Variants in ST6GAL2 observed in about 807,000 individuals in gnomAD.
ST6GAL2 encodes ST6 beta-galactoside alpha-2,6-sialyltransferase 2.
In ST6GAL2, 24 loss-of-function variants were observed where a neutral mutation model predicts 37.5. That is an observed-to-expected ratio of 0.64 (90% CI 0.46 to 0.90). The LOEUF (loss-of-function observed/expected upper bound fraction) is 0.90, where lower values mean the gene tolerates loss of function less well. Among genes scored for constraint, ST6GAL2 ranks in the 40% least tolerant of loss-of-function variants. ST6GAL2 has a pLI of 0.00. For missense variants in ST6GAL2, 715 were observed against 712.7 expected (o/e 1.00, Z -0.04); for synonymous variants, 306 against 295.1 (o/e 1.04, Z -0.38).
chr2:106,869,930 C>A (rs1380416244), intron 1 of ST6GAL2, among the ~76,000 whole-genome samples: 2 of 152,328 alleles, frequency 1.3e-5, no homozygotes, highest in East Asian at 3.9e-4. Flanking sequence ...GACAGCCAAT[C>A]CTAAATTGTG....
At chr2:106,821,216 G>T (rs534065985) in intron 5 of ST6GAL2, among the ~76,000 whole-genome samples, 2 of 151,252 alleles carry the variant, frequency 1.3e-5, no homozygotes, top group South Asian at 4.2e-4. Flanking sequence ...TTTTTGAAAA[G>T]ATAAACAAAA....
rs1284761414 is a variant in ST6GAL2 at position 106,806,510 on chromosome 2, G to A, written c.*168C>T. 1.3e-6 allele frequency: 1 copy of A among 764,202 alleles called. No homozygotes were observed. Among genetic ancestry groups the A allele is most frequent in the Non-Finnish European group, 2.1e-6 (1 of 484,260 alleles). 47.3% of individuals were successfully genotyped at this position (764,202 alleles called of 1,614,324 possible). A position where few individuals can be genotyped will look rare whatever the true frequency, so the allele number is the denominator to read the frequency against. The stretch of plus-strand genomic sequence containing the variant: ...AAAAACCATTTCTATGTTCAAAGCA[G>A]TAATACATACTCAATGGCTTAGAAA... On this transcript the variant is annotated 3_prime_UTR_variant, in exon 6 of 6. Coordinates refer to ENST00000409382, the MANE Select transcript of ST6GAL2 (RefSeq NM_001142351.2).
chr2:106,845,902 C>A (rs1677124379), intron 1 of ST6GAL2, among the ~76,000 whole-genome samples: 2 of 152,168 alleles, frequency 1.3e-5, no homozygotes, highest in Non-Finnish European at 2.9e-5. Flanking sequence ...TTCTGCCTCT[C>A]AGGACATTCA....
chr2:106,840,504 G>T (rs1366586986), intron 2 of ST6GAL2, among the ~76,000 whole-genome samples: 1 of 152,152 alleles, frequency 6.6e-6, no homozygotes, highest in Non-Finnish European at 1.5e-5. Context: ...TCTTAAAATA[G>T]TAGATACAAA....
At chr2:106,839,254 C>T (rs1307594884) in intron 2 of ST6GAL2, among the ~76,000 whole-genome samples, 1 of 152,056 alleles carries the variant, frequency 6.6e-6, no homozygotes, top group Non-Finnish European at 1.5e-5. Context: ...ACCTGCACAA[C>T]ATGCTGTTTC....
At chr2:106,807,055 C>T in intron 5 of ST6GAL2, 106 bp from the exon 6 acceptor site, 1 of 940,454 alleles carries the variant, frequency 1.1e-6, no homozygotes, top group Non-Finnish European at 1.6e-6. Flanking sequence ...TGGCAAGAGA[C>T]ACTTACTTTT....
At chr2:106,875,473 C>T (rs1678465511) in intron 1 of ST6GAL2, among the ~76,000 whole-genome samples, 1 of 152,216 alleles carries the variant, frequency 6.6e-6, no homozygotes, top group Non-Finnish European at 1.5e-5. Context: ...CCACTGCACC[C>T]AGCCCATTCC....
At chr2:106,806,994 T>TGAGAGGGATGAGTTTTTTGG (rs1372917266) in intron 5 of ST6GAL2, 45 bp from the exon 6 acceptor site, 1 of 1,527,760 alleles carries the variant, frequency 6.5e-7, no homozygotes, top group East Asian at 2.3e-5. Context: ...CAACTCCATG[T>TGAGAGGGATGAGTTTTTTGG]GAGAGGGATG....
intron 5 of ST6GAL2, among the ~76,000 whole-genome samples, chr2:106,827,498 C>T (rs749865717): frequency 3.3e-5 from 5 of 152,210 alleles, no homozygotes; most frequent in South Asian, 2.1e-4. Flanking sequence ...AATTTAACAA[C>T]GCCAGACCAC....
intron 1 of ST6GAL2, among the ~76,000 whole-genome samples, chr2:106,868,349 T>G (rs1367829864): frequency 1.3e-5 from 2 of 152,184 alleles, no homozygotes; most frequent in African/African-American, 2.4e-5. Flanking sequence ...AGACTAAATC[T>G]GTGGACTCCA....
intron 1 of ST6GAL2, among the ~76,000 whole-genome samples, chr2:106,882,372 C>T (rs1347595076): frequency 6.6e-6 from 1 of 152,174 alleles, no homozygotes; most frequent in Non-Finnish European, 1.5e-5. Flanking sequence ...ACTTTACCTT[C>T]CTGAGGTTCA....
At chr2:106,812,370 T>C (rs1213221125) in intron 5 of ST6GAL2, among the ~76,000 whole-genome samples, 1 of 152,210 alleles carries the variant, frequency 6.6e-6, no homozygotes, top group Admixed American at 6.5e-5. Context: ...CAAATGAAAT[T>C]TTGCCAACCA....
At chr2:106,807,051 G>A in intron 5 of ST6GAL2, 102 bp from the exon 6 acceptor site, 1 of 962,022 alleles carries the variant, frequency 1.0e-6, no homozygotes, top group South Asian at 1.7e-5. Flanking sequence ...ACTGTGGCAA[G>A]AGACACTTAC....
At chr2:106,865,698 CAT>C (rs1677998440) in intron 1 of ST6GAL2, among the ~76,000 whole-genome samples, 1 of 152,164 alleles carries the variant, frequency 6.6e-6, no homozygotes, top group Non-Finnish European at 1.5e-5. Flanking sequence ...CCATGTCAGA[CAT>C]GTGTGACACT....
chr2:106,862,626 A>G (rs1677851147), intron 1 of ST6GAL2, among the ~76,000 whole-genome samples: 1 of 121,382 alleles, frequency 8.2e-6, no homozygotes, highest in African/African-American at 3.2e-5. Context: ...TATGTGAAGA[A>G]AAAAAAAAAG....
chr2:106,843,430 C>G lies in ST6GAL2; in HGVS notation c.548G>C (p.Ser183Thr), dbSNP rs369563349. The G allele has an allele frequency of 1.1e-5, 18 of 1,614,032 alleles. No individual in the cohort carries two copies. Among genetic ancestry groups the G allele is most frequent in the Non-Finnish European group, 1.5e-5 (18 of 1,180,038 alleles). ...VKKRHRRQRR[S>T]HVLEEGDDGD... Reference sequence around the variant, plus strand: ...GTCGTCGCCCTCCTCCAACACGTGGCTCCTTCTCTGCCTCCGGTGCCTCTT... The same window carrying G: ...GTCGTCGCCCTCCTCCAACACGTGGGTCCTTCTCTGCCTCCGGTGCCTCTT... Residue 183 changes from serine (S) to threonine (T), a missense_variant, in exon 2 of 6, where the codon AGC becomes ACC. Transcript: ENST00000409382.
At chr2:106,876,900 G>A (rs1678527410) in intron 1 of ST6GAL2, among the ~76,000 whole-genome samples, 1 of 152,104 alleles carries the variant, frequency 6.6e-6, no homozygotes, top group Non-Finnish European at 1.5e-5. Context: ...GTGGACAGAA[G>A]CAGCACATTG....
chr2:106,837,445 C>T (rs1389536203), intron 2 of ST6GAL2, among the ~76,000 whole-genome samples: 1 of 152,188 alleles, frequency 6.6e-6, no homozygotes, highest in Non-Finnish European at 1.5e-5. Context: ...TCTGAGTATA[C>T]TTACCAGAAT....
chr2:106,816,985 G>A (rs1026044128), intron 5 of ST6GAL2, among the ~76,000 whole-genome samples: 1 of 152,196 alleles, frequency 6.6e-6, no homozygotes, highest in Non-Finnish European at 1.5e-5. Flanking sequence ...GCAACACCGG[G>A]CAGAACTCAG....
Sources: allele counts gnomAD v4.1 joint callset (sites outside exome capture counted in the v4.1 genomes callset), GRCh38; gene constraint gnomAD v4.1.1; transcripts MANE v1.5; gene names NCBI Gene and HGNC (gene_info 2026-07-23, HGNC 2026-07-21).